The following THADA variants were observed in gnomAD, a reference collection of about 807,000 sequenced individuals.
THADA encodes THADA armadillo repeat containing.
Under a neutral mutation model 219.8 loss-of-function variants are expected in THADA, and 213 were observed. The observed-to-expected ratio is 0.97, with a 90% CI of 0.87 to 1.09. THADA has a LOEUF of 1.09. Ranked by LOEUF, THADA falls within the 50% of genes least tolerant of loss-of-function variation. THADA has a pLI of 0.00. For missense variants in THADA, 2,956 were observed against 2,311.3 expected (o/e 1.28, Z -5.72); for synonymous variants, 1,018 against 828.9 (o/e 1.23, Z -3.92).
intron 22 of THADA, among the ~76,000 whole-genome samples, chr2:43,511,311 A>T (rs1046359271): frequency 6.6e-6 from 1 of 152,166 alleles, no homozygotes; most frequent in Non-Finnish European, 1.5e-5. Flanking sequence ...ATACTAGTTC[A>T]ATAATGCTCC....
intron 29 of THADA, among the ~76,000 whole-genome samples, chr2:43,361,386 G>C (rs967627081): frequency 2.0e-5 from 3 of 152,158 alleles, no homozygotes; most frequent in Non-Finnish European, 4.4e-5. Context: ...TAAAAAATTA[G>C]TCACTCTTAT....
rs2104053474 is a variant in THADA, at chr2:43,577,155, T to C, written c.904A>G (p.Ile302Val). ...AGGAATAAGACAGCTGACTGAGAGATGTCACCACAACAGAGGCTCCTGCAG... is the reference window on the plus strand; with the variant it reads ...AGGAATAAGACAGCTGACTGAGAGACGTCACCACAACAGAGGCTCCTGCAG... ...SSCRSLCCGD[I>V]SQSAVLFLCQ... is the part of the protein sequence containing the mutation. The change falls in exon 10 of 38, where the codon ATC (isoleucine) becomes GTC (valine). Residue 302 changes from isoleucine (I) to valine (V), a missense_variant. Ile to Val is a conservative substitution (Grantham distance 29). Coordinates refer to ENST00000405975, the MANE Select transcript of THADA (RefSeq NM_022065.5). 2.5e-6 allele frequency: 4 copies of C among 1,610,864 alleles called. No homozygotes were observed. The highest frequency in any genetic ancestry group is 2.2e-5 in the East Asian group (1 of 44,836).
At chr2:43,504,764 A>T (rs1689442806) in intron 24 of THADA, among the ~76,000 whole-genome samples, 1 of 152,194 alleles carries the variant, frequency 6.6e-6, no homozygotes, top group African/African-American at 2.4e-5. Flanking sequence ...CATGCCTGTA[A>T]TTCCAGCTAC....
intron 31 of THADA, among the ~76,000 whole-genome samples, chr2:43,301,303 ACC>A (rs1676237007): frequency 6.6e-6 from 1 of 152,252 alleles, no homozygotes; most frequent in Non-Finnish European, 1.5e-5. Context: ...AAATAAAAAC[ACC>A]AAAGGAGAGA....
intron 7 of THADA, among the ~76,000 whole-genome samples, chr2:43,584,040 A>G (rs1223275820): frequency 9.2e-5 from 13 of 140,964 alleles, no homozygotes; most frequent in African/African-American, 3.5e-4. Context: ...TCTCAATTAA[A>G]AAAAAAAAAA....
At chr2:43,323,454 T>C (rs1432394278) in intron 30 of THADA, among the ~76,000 whole-genome samples, 1 of 152,202 alleles carries the variant, frequency 6.6e-6, no homozygotes, top group Non-Finnish European at 1.5e-5. Context: ...CCATCCACTA[T>C]GGAAAGCCCA....
intron 19 of THADA, 96 bp downstream of exon 19, chr2:43,551,693 A>G (rs1224505513): frequency 6.4e-5 from 75 of 1,167,174 alleles, no homozygotes; most frequent in South Asian, 2.2e-4. Flanking sequence ...CTTAGCTTTT[A>G]TATCTCCCCA....
intron 30 of THADA, among the ~76,000 whole-genome samples, chr2:43,326,239 A>T (rs1330600603): frequency 2.6e-5 from 4 of 151,744 alleles, no homozygotes; most frequent in African/African-American, 9.7e-5. Context: ...ATGCTAGAGT[A>T]TGATGGGTGC....
At chr2:43,571,355 A>G (rs1226077599) in intron 13 of THADA, among the ~76,000 whole-genome samples, 1 of 151,346 alleles carries the variant, frequency 6.6e-6, no homozygotes, top group Non-Finnish European at 1.5e-5. Context: ...GGTTCAAGCA[A>G]TTCTCCTGCT....
intron 28 of THADA, among the ~76,000 whole-genome samples, chr2:43,402,094 G>A (rs878969443): frequency 6.6e-6 from 1 of 152,106 alleles, no homozygotes; most frequent in Non-Finnish European, 1.5e-5. Flanking sequence ...AACCCTTGTG[G>A]GGGGAGTTTC....
At chr2:43,502,660 A>C (rs1689157392) in intron 24 of THADA, among the ~76,000 whole-genome samples, 1 of 151,744 alleles carries the variant, frequency 6.6e-6, no homozygotes, top group East Asian at 1.9e-4. Context: ...ATCTTGGGGT[A>C]TAATTTCTGA....
At chr2:43,359,687 A>C (rs956195371) in intron 29 of THADA, among the ~76,000 whole-genome samples, 11 of 152,172 alleles carry the variant, frequency 7.2e-5, no homozygotes, top group South Asian at 4.1e-4. Context: ...ACAAACCAAC[A>C]AACAAACAAA....
chr2:43,233,113 A>C, intron 36 of THADA: 1 of 529,538 alleles, frequency 1.9e-6, no homozygotes, highest in South Asian at 2.6e-5. Flanking sequence ...ATGCCCCCTA[A>C]CTCAGTGTGG....
At chr2:43,425,573 A>G (rs1378733907) in intron 28 of THADA, among the ~76,000 whole-genome samples, 1 of 151,910 alleles carries the variant, frequency 6.6e-6, no homozygotes, top group East Asian at 1.9e-4. Flanking sequence ...TATCTGGAAG[A>G]CCATTTGGAA....
At chr2:43,299,893 T>G (rs1676048229) in intron 31 of THADA, among the ~76,000 whole-genome samples, 2 of 151,354 alleles carry the variant, frequency 1.3e-5, no homozygotes, top group Admixed American at 6.6e-5. Context: ...CCAGGTGTGG[T>G]GGTGCATGCC....
At chr2:43,238,597 G>A (rs1558449483) in intron 36 of THADA, among the ~76,000 whole-genome samples, 1 of 152,068 alleles carries the variant, frequency 6.6e-6, no homozygotes, top group East Asian at 1.9e-4. Context: ...CCCAAAAACT[G>A]CACTCCTAGG....
At chr2:43,569,783 T>C in intron 14 of THADA, among the ~76,000 whole-genome samples, 1 of 152,072 alleles carries the variant, frequency 6.6e-6, no homozygotes, top group Middle Eastern at 3.2e-3. Flanking sequence ...AAGGCTAGAT[T>C]TGGGGGAAGA....
intron 29 of THADA, among the ~76,000 whole-genome samples, chr2:43,365,497 G>A (rs1670030373): frequency 6.6e-6 from 1 of 151,662 alleles, no homozygotes; most frequent in South Asian, 2.1e-4. Context: ...CTCAAACCTG[G>A]GAGGTGGAGG....
chr2:43,365,732 G>C (rs913011031), intron 29 of THADA, among the ~76,000 whole-genome samples: 2 of 151,944 alleles, frequency 1.3e-5, no homozygotes, highest in Non-Finnish European at 2.9e-5. Flanking sequence ...TAGAAGGCAA[G>C]TTAAAAAAAA....
Sources: allele counts gnomAD v4.1 joint callset (sites outside exome capture counted in the v4.1 genomes callset), GRCh38; gene constraint gnomAD v4.1.1; transcripts MANE v1.5; gene names NCBI Gene and HGNC (gene_info 2026-07-23, HGNC 2026-07-21).